The following CHLSN variants were observed in gnomAD, a reference collection of about 807,000 sequenced individuals.
The protein encoded by CHLSN is cholesin.
chr7:1,065,393 G>C, the CHLSN span, among the ~76,000 whole-genome samples: 10 of 152,244 alleles, frequency 6.6e-5, no homozygotes, highest in Non-Finnish European at 1.2e-4. Context: ...GCTCATAAGA[G>C]CCCAACACTG....
the CHLSN span, among the ~76,000 whole-genome samples, chr7:1,008,836 T>C: frequency 1.1e-4 from 12 of 107,716 alleles, no homozygotes; most frequent in African/African-American, 3.5e-4. Flanking sequence ...ACAACGTGTA[T>C]ACACACGCAC....
At chr7:1,058,799 GCATT>G in the CHLSN span, 2 of 461,174 alleles carry the variant, frequency 4.3e-6, no homozygotes, top group African/African-American at 1.9e-5. Flanking sequence ...AGCCTCCTCA[GCATT>G]CAGTTTGTCA....
At chr7:1,096,349 G>A in the CHLSN span, among the ~76,000 whole-genome samples, 3 of 152,176 alleles carry the variant, frequency 2.0e-5, no homozygotes, top group Admixed American at 1.3e-4. This position sits in a 1 kb window ranked among gnomAD's most constrained non-coding sequence, Gnocchi z 4.6. Context: ...CCAAGCCACC[G>A]GGCTGCGGTA....
the CHLSN span, among the ~76,000 whole-genome samples, chr7:978,270 C>T: frequency 2.0e-5 from 3 of 152,214 alleles, no homozygotes; most frequent in South Asian, 6.2e-4. Flanking sequence ...GTAATCCCAA[C>T]ACTCTGGGAA....
the CHLSN span, among the ~76,000 whole-genome samples, chr7:1,062,435 T>C: frequency 6.6e-6 from 1 of 152,240 alleles, no homozygotes; most frequent in Non-Finnish European, 1.5e-5. Context: ...GCAGAAATTC[T>C]GTCCACCCAA....
chr7:987,372 C>T, the CHLSN span: 41 of 1,591,914 alleles, frequency 2.6e-5, no homozygotes, highest in East Asian at 5.4e-4. Context: ...AGCTAGACCG[C>T]GTGCTGGGCC....
the CHLSN span, chr7:1,028,188 G>A: frequency 0.089 from 85,979 of 964,324 alleles, 4,222 homozygotes; most frequent in Non-Finnish European, 0.098. Context: ...GCCGCGGGGC[G>A]GGGCTGGGGC....
chr7:1,028,221 T>A, the CHLSN span: 2 of 1,071,098 alleles, frequency 1.9e-6, no homozygotes, highest in Non-Finnish European at 2.3e-6. Flanking sequence ...ATCCCCTCCC[T>A]GCAGCCCGAA....
At chr7:1,010,484 G>T in the CHLSN span, among the ~76,000 whole-genome samples, 1 of 152,194 alleles carries the variant, frequency 6.6e-6, no homozygotes, top group Non-Finnish European at 1.5e-5. Context: ...GGAAGATCCG[G>T]GCCGGCCCCC....
At chr7:1,076,189 T>G in the CHLSN span, 1 of 152,504 alleles carries the variant, frequency 6.6e-6, no homozygotes, top group South Asian at 2.1e-4. Flanking sequence ...TCGGCTGGAA[T>G]AAGCATCAGA....
At chr7:1,021,069 T>C in the CHLSN span, among the ~76,000 whole-genome samples, 3 of 148,954 alleles carry the variant, frequency 2.0e-5, no homozygotes, top group Non-Finnish European at 4.5e-5. Context: ...CTGGGGACCT[T>C]CAGGCAGGCA....
chr7:1,006,297 G>C, the CHLSN span, among the ~76,000 whole-genome samples: 1 of 152,184 alleles, frequency 6.6e-6, no homozygotes, highest in African/African-American at 2.4e-5. Context: ...ACAGCACAGG[G>C]AAAGAGCACA....
At chr7:1,028,248 G>A in the CHLSN span, 4 of 1,095,264 alleles carry the variant, frequency 3.7e-6, no homozygotes, top group East Asian at 1.0e-4. Flanking sequence ...CCCTGGCCCC[G>A]CGCACTGACC....
chr7:1,014,087 A>G, the CHLSN span, among the ~76,000 whole-genome samples: 433 of 152,340 alleles, frequency 2.8e-3, 1 homozygote, highest in African/African-American at 1.0e-2. Context: ...ACCTCAAGCA[A>G]CGCGGCACTC....
At chr7:994,440 C>T in the CHLSN span, among the ~76,000 whole-genome samples, 6 of 152,086 alleles carry the variant, frequency 3.9e-5, no homozygotes, top group South Asian at 6.3e-4. Context: ...GGATTACAGG[C>T]GTGAGCCACT....
At chr7:1,027,722 T>C in the CHLSN span, among the ~76,000 whole-genome samples, 2 of 152,252 alleles carry the variant, frequency 1.3e-5, no homozygotes, top group African/African-American at 4.8e-5. Context: ...AGAAAGCCCC[T>C]GGCTTCCGAG....
the CHLSN span, among the ~76,000 whole-genome samples, chr7:980,408 C>T: frequency 2.6e-5 from 4 of 152,260 alleles, no homozygotes; most frequent in African/African-American, 7.2e-5. Flanking sequence ...AGTTGGCACA[C>T]GTCTCTGCAG....
chr7:1,106,610 C>T, the CHLSN span, among the ~76,000 whole-genome samples: 1 of 152,168 alleles, frequency 6.6e-6, no homozygotes, highest in Non-Finnish European at 1.5e-5. Flanking sequence ...AGAACAGGTG[C>T]AGCCTGGTGA....
the CHLSN span, chr7:1,057,560 G>A: frequency 1.3e-6 from 1 of 773,718 alleles, no homozygotes; most frequent in Non-Finnish European, 2.4e-6. Context: ...TGGTGGAGGA[G>A]CTGCCTGCCT....
Sources: allele counts gnomAD v4.1 joint callset (sites outside exome capture counted in the v4.1 genomes callset), GRCh38; gene constraint gnomAD v4.1.1; non-coding constraint Gnocchi (gnomAD v3.1); transcripts MANE v1.5; gene names NCBI Gene and HGNC (gene_info 2026-07-23, HGNC 2026-07-21).